Variants in ADAMTS3 observed in about 807,000 individuals in gnomAD.
ADAMTS3 encodes the protein ADAM metallopeptidase with thrombospondin type 1 motif 3.
In ADAMTS3, 73 loss-of-function variants were observed where a neutral mutation model predicts 129.0. That is an observed-to-expected ratio of 0.57 (90% CI 0.47 to 0.69). The LOEUF is 0.69. Among genes scored for constraint, ADAMTS3 ranks in the 30% least tolerant of loss-of-function variants. The probability of loss-of-function intolerance (pLI) is 0.00; values close to 1 mark genes in which losing one functional copy is unlikely to be tolerated. For synonymous variants in ADAMTS3, 477 were observed against 510.8 expected, an observed-to-expected ratio of 0.93 and a Z score of 0.89; for missense variants, 1,457 against 1,514.5, an observed-to-expected ratio of 0.96 and a Z score of 0.63.
chr4:72,532,307 C>T (rs1349413874), intron 3 of ADAMTS3, among the ~76,000 whole-genome samples: 2 of 152,030 alleles, frequency 1.3e-5, no homozygotes, highest in Non-Finnish European at 2.9e-5. Context: ...AGGTCAGAAG[C>T]CCCTTAGGGA....
At chr4:72,564,135 G>A (rs1358214805) in intron 2 of ADAMTS3, among the ~76,000 whole-genome samples, 2 of 152,144 alleles carry the variant, frequency 1.3e-5, no homozygotes, top group African/African-American at 4.8e-5. Context: ...GGAATCAGGA[G>A]ATGGAAGATA....
chr4:72,522,853 A>C (rs1002004389), intron 3 of ADAMTS3, among the ~76,000 whole-genome samples: 1 of 152,218 alleles, frequency 6.6e-6, no homozygotes, highest in Non-Finnish European at 1.5e-5. Context: ...GTTTGAAAAA[A>C]GGAAAGAAAT....
chr4:72,431,924 T>C (rs1255952709), intron 3 of ADAMTS3, among the ~76,000 whole-genome samples: 1 of 151,904 alleles, frequency 6.6e-6, no homozygotes, highest in African/African-American at 2.4e-5. Context: ...GTAGTAGTTA[T>C]AGTACTAAAA....
At chr4:72,369,745 AACAG>A (rs1277008906) in intron 4 of ADAMTS3, among the ~76,000 whole-genome samples, 3 of 149,972 alleles carry the variant, frequency 2.0e-5, no homozygotes, top group African/African-American at 5.1e-5. Context: ...AAAAAAAATA[AACAG>A]ACAAAGTACA....
intron 3 of ADAMTS3, among the ~76,000 whole-genome samples, chr4:72,494,512 TTTAGCTACC>T (rs1166100087): frequency 6.6e-6 from 1 of 152,170 alleles, no homozygotes; most frequent in African/African-American, 2.4e-5. Flanking sequence ...TGTGTTCTCT[TTTAGCTACC>T]TTAATTTCCT....
chr4:72,498,404 G>A (rs1719923477), intron 3 of ADAMTS3, among the ~76,000 whole-genome samples: 1 of 151,564 alleles, frequency 6.6e-6, no homozygotes, highest in Non-Finnish European at 1.5e-5. Flanking sequence ...AGTAATAGAA[G>A]TCATAAAAAG....
intron 2 of ADAMTS3, among the ~76,000 whole-genome samples, chr4:72,552,113 A>G (rs1721660346): frequency 6.6e-6 from 1 of 152,210 alleles, no homozygotes; most frequent in Non-Finnish European, 1.5e-5. Context: ...AATTTACTGC[A>G]TTCATAATTT....
intron 4 of ADAMTS3, among the ~76,000 whole-genome samples, chr4:72,365,470 T>C (rs1471635155): frequency 6.6e-6 from 1 of 152,210 alleles, no homozygotes; most frequent in African/African-American, 2.4e-5. Context: ...TAAGTTTTTT[T>C]GGCGATACTG....
rs556582000 is a variant in ADAMTS3, at chr4:72,366,680, A to G, written c.662-26987T>C. 2.0e-5 allele frequency among the ~76,000 whole-genome samples: 3 copies of G among 152,272 alleles called. No individual in the cohort carries two copies. In the East Asian group the frequency reaches 5.8e-4, roughly 29 times the overall value. ...ACATTAGTCCTCTTCAGGACATTAA[A>G]GCATTCAGAAAGAAACTAATGTGTC... is the stretch of plus-strand genomic sequence containing the variant. On this transcript the variant is annotated intron_variant, in intron 4 of 21. Coordinates refer to ENST00000286657, the MANE Select transcript of ADAMTS3 (RefSeq NM_014243.3).
intron 3 of ADAMTS3, among the ~76,000 whole-genome samples, chr4:72,491,186 G>A (rs1456798541): frequency 6.6e-6 from 1 of 151,670 alleles, no homozygotes; most frequent in Non-Finnish European, 1.5e-5. Flanking sequence ...CAACCTTACT[G>A]AATTCATTTG....
intron 3 of ADAMTS3, among the ~76,000 whole-genome samples, chr4:72,544,030 C>T (rs1303173947): frequency 6.6e-6 from 1 of 151,968 alleles, no homozygotes; most frequent in African/African-American, 2.4e-5. Context: ...TTATATATTA[C>T]TGTTTCTTCA....
chr4:72,415,010 T>A, intron 3 of ADAMTS3, 39 bp from the exon 4 acceptor site: 1 of 1,344,700 alleles, frequency 7.4e-7, no homozygotes, highest in Non-Finnish European at 9.8e-7. Context: ...AAAAAAGAAA[T>A]ATCTATCATC....
chr4:72,529,758 A>C (rs1183261958), intron 3 of ADAMTS3, among the ~76,000 whole-genome samples: 26 of 108,312 alleles, frequency 2.4e-4, no homozygotes, highest in African/African-American at 8.5e-4. Flanking sequence ...ATTGTATATA[A>C]TATTAATATA....
intron 11 of ADAMTS3, 94 bp from the exon 12 acceptor site, chr4:72,313,916 C>T: frequency 7.1e-7 from 1 of 1,416,698 alleles, no homozygotes; most frequent in Non-Finnish European, 9.8e-7. Flanking sequence ...GGCTTTCTTA[C>T]TGCTCTTTTT....
At chr4:72,501,713 T>C (rs1720029685) in intron 3 of ADAMTS3, among the ~76,000 whole-genome samples, 1 of 152,204 alleles carries the variant, frequency 6.6e-6, no homozygotes, top group African/African-American at 2.4e-5. Flanking sequence ...CTTCCAGTTC[T>C]TGACTGCTTA....
At chr4:72,472,857 T>C (rs1269543211) in intron 3 of ADAMTS3, among the ~76,000 whole-genome samples, 1 of 152,168 alleles carries the variant, frequency 6.6e-6, no homozygotes, top group Admixed American at 6.5e-5. Flanking sequence ...ATTTGTTTCA[T>C]GTTAAGACAC....
intron 3 of ADAMTS3, among the ~76,000 whole-genome samples, chr4:72,506,516 C>A (rs76115097): frequency 0.046 from 6,959 of 152,276 alleles, 175 homozygotes; most frequent in African/African-American, 0.06. Context: ...GCCTACATGT[C>A]CATCATGCCA....
At position 72,283,596 on chromosome 4, in the gene ADAMTS3, C is replaced by T. The variant is rs370314161; in HGVS notation, c.3158G>A (p.Arg1053His). Residue 1053 changes from arginine to histidine, a missense_variant, in exon 22 of 22, where the codon CGC (arginine) becomes CAC (histidine). Physicochemically the swap from Arg to His is conservative, Grantham distance 29. Transcript: ENST00000286657. ...GTATGGTGGTGGCAGGGTGCTACTG[C>T]GCTTGCTGCAGGACTCACAACATAA... Reference protein sequence around the residue: ...NKLCCESCSKRSSTLPPPYLL... With the variant: ...NKLCCESCSKHSSTLPPPYLL... 34 of 1,613,790 alleles carry T rather than the reference C, an allele frequency of 2.1e-5. No individual in the cohort carries two copies. Among genetic ancestry groups the T allele is most frequent in the Non-Finnish European group, 2.7e-5 (32 of 1,179,926 alleles).
intron 4 of ADAMTS3, among the ~76,000 whole-genome samples, chr4:72,354,937 C>T (rs866717139): frequency 2.2e-4 from 33 of 151,954 alleles, no homozygotes; most frequent in Non-Finnish European, 3.4e-4. Context: ...TACACCTATC[C>T]TACATTCTGC....
Sources: allele counts gnomAD v4.1 joint callset (sites outside exome capture counted in the v4.1 genomes callset), GRCh38; gene constraint gnomAD v4.1.1; transcripts MANE v1.5; gene names NCBI Gene and HGNC (gene_info 2026-07-23, HGNC 2026-07-21).